Variants in PRKN observed in about 807,000 individuals in gnomAD.
The protein encoded by PRKN is parkin RBR E3 ubiquitin protein ligase.
In PRKN, 56 loss-of-function variants were observed where a neutral mutation model predicts 59.5. That is an observed-to-expected ratio of 0.94 (90% CI 0.76 to 1.18). PRKN has a LOEUF of 1.18. PRKN is among the 50% of genes most tolerant of loss of function. The pLI, the probability that PRKN is intolerant of heterozygous loss-of-function variation, is 0.00. For missense variants in PRKN, 657 were observed against 596.4 expected, an observed-to-expected ratio of 1.10 and a Z score of -1.06; for synonymous variants, 250 against 222.1, an observed-to-expected ratio of 1.13 and a Z score of -1.12.
At chr6:161,814,814 T>A (rs533484168) in intron 6 of PRKN, among the ~76,000 whole-genome samples, 1 of 152,266 alleles carries the variant, frequency 6.6e-6, no homozygotes, top group African/African-American at 2.4e-5. Context: ...GAACTGCCTT[T>A]CATAGAACTA....
chr6:162,275,972 C>T (rs1780619889), intron 2 of PRKN, among the ~76,000 whole-genome samples: 1 of 152,096 alleles, frequency 6.6e-6, no homozygotes, highest in Non-Finnish European at 1.5e-5. Context: ...CTCCAGTCTG[C>T]TTTGAACACT....
chr6:161,878,013 G>A (rs1010095606), intron 6 of PRKN, among the ~76,000 whole-genome samples: 11 of 152,116 alleles, frequency 7.2e-5, no homozygotes, highest in Admixed American at 4.6e-4. Context: ...ACTTGGAGGT[G>A]TTCTCTTGAA....
At chr6:162,429,176 C>A (rs1011320175) in intron 2 of PRKN, among the ~76,000 whole-genome samples, 1 of 152,154 alleles carries the variant, frequency 6.6e-6, no homozygotes, top group Non-Finnish European at 1.5e-5. Context: ...GAAGTCTAAA[C>A]AAAAGCCATC....
intron 5 of PRKN, among the ~76,000 whole-genome samples, chr6:162,016,292 C>T (rs1384803704): frequency 6.6e-6 from 1 of 152,064 alleles, no homozygotes; most frequent in African/African-American, 2.4e-5. Flanking sequence ...AAAATACAGG[C>T]CGATTAGAAA....
chr6:161,638,817 C>CT (rs1477006682), intron 7 of PRKN, among the ~76,000 whole-genome samples: 1 of 144,536 alleles, frequency 6.9e-6, no homozygotes, highest in Non-Finnish European at 1.5e-5. Context: ...TCTCGGCTTA[C>CT]TGCAACCTCC....
chr6:162,208,007 T>C (rs1249906903), intron 3 of PRKN, among the ~76,000 whole-genome samples: 1 of 152,156 alleles, frequency 6.6e-6, no homozygotes, highest in Non-Finnish European at 1.5e-5. Flanking sequence ...GATATCATAT[T>C]TGAAATCAGT....
chr6:162,257,685 A>T (rs1311749305), intron 3 of PRKN, among the ~76,000 whole-genome samples: 1 of 152,092 alleles, frequency 6.6e-6, no homozygotes, highest in Non-Finnish European at 1.5e-5. Flanking sequence ...CAGGGTTTCT[A>T]TAGTGCCAGG....
chr6:162,599,499 T>TAAC (rs71927433), intron 1 of PRKN, among the ~76,000 whole-genome samples: 6 of 151,468 alleles, frequency 4.0e-5, no homozygotes, highest in East Asian at 2.0e-4. Flanking sequence ...ACAGAAAAAA[T>TAAC]AACAACAACA....
intron 2 of PRKN, among the ~76,000 whole-genome samples, chr6:162,434,123 AC>A (rs2128164227): frequency 6.6e-6 from 1 of 152,306 alleles, no homozygotes; most frequent in South Asian, 2.1e-4. Context: ...AAGTACACCC[AC>A]AAAAATTATA....
intron 4 of PRKN, among the ~76,000 whole-genome samples, chr6:162,182,732 T>A (rs1035585644): frequency 6.6e-6 from 1 of 152,246 alleles, no homozygotes; most frequent in Non-Finnish European, 1.5e-5. Flanking sequence ...AATTTGCAGA[T>A]ATTGCCCTTT....
Position 161,582,670 on chromosome 6 carries a change from G to T in PRKN, c.872-13254C>A. ...TCTCGATCTGCTGACCTCGTGATCT[G>T]CCCGCCTCGGCCTCCCAAAGTTCTG... On this transcript the variant is annotated intron_variant, in intron 7 of 11. Transcript: ENST00000366898. This position sits in a 1 kb window ranked among gnomAD's most constrained non-coding sequence, Gnocchi z 4.4. Among the ~76,000 whole-genome samples the T allele has an allele frequency of 6.6e-6, 1 of 151,988 alleles. No individual in the cohort carries two copies. Among genetic ancestry groups the T allele is most frequent in the East Asian group, 1.9e-4 (1 of 5,174 alleles).
chr6:162,651,711 G>GT (rs1554258350), intron 1 of PRKN, among the ~76,000 whole-genome samples: 1 of 152,162 alleles, frequency 6.6e-6, no homozygotes, highest in Non-Finnish European at 1.5e-5. Flanking sequence ...CTCAGGTTAC[G>GT]TAAGTGGATT....
At chr6:162,137,023 T>C (rs898417018) in intron 4 of PRKN, among the ~76,000 whole-genome samples, 5 of 152,034 alleles carry the variant, frequency 3.3e-5, no homozygotes, top group Admixed American at 2.0e-4. Context: ...TGTGAAAATG[T>C]ATAGAAAAAG....
Position 162,686,027 on chromosome 6 carries a change from T to C in PRKN, c.7+41635A>G, listed in dbSNP as rs145357034. 1.5e-3 allele frequency among the ~76,000 whole-genome samples: 225 copies of C among 152,236 alleles called. 5 individuals carry two copies. The East Asian group carries it at 0.038, about 25-fold the overall frequency. Reference sequence around the variant, plus strand: ...GAGAGCGCACAAATTATTAAACAGATAGGACTCCTTTCAAGCCTTTTAAGC... The same window carrying C: ...GAGAGCGCACAAATTATTAAACAGACAGGACTCCTTTCAAGCCTTTTAAGC... On this transcript the variant is annotated intron_variant, in intron 1 of 11. Coordinates refer to ENST00000366898, the MANE Select transcript of PRKN (RefSeq NM_004562.3).
intron 2 of PRKN, among the ~76,000 whole-genome samples, chr6:162,363,948 A>G (rs926254603): frequency 2.0e-5 from 3 of 152,208 alleles, no homozygotes; most frequent in African/African-American, 7.2e-5. Context: ...CCAGCTCAGT[A>G]TTCACCGGCT....
At chr6:162,629,471 C>A (rs937049438) in intron 1 of PRKN, among the ~76,000 whole-genome samples, 1 of 151,990 alleles carries the variant, frequency 6.6e-6, no homozygotes, top group East Asian at 1.9e-4. Context: ...AAAACAAGTT[C>A]GTATTTTTAA....
intron 1 of PRKN, among the ~76,000 whole-genome samples, chr6:162,588,970 G>C (rs1325396380): frequency 6.6e-6 from 1 of 152,090 alleles, no homozygotes; most frequent in African/African-American, 2.4e-5. Context: ...TATGAGTGTG[G>C]ACCGGATGAA....
intron 3 of PRKN, among the ~76,000 whole-genome samples, chr6:162,244,854 T>C (rs1200467488): frequency 6.6e-6 from 1 of 152,068 alleles, no homozygotes; most frequent in Non-Finnish European, 1.5e-5. Flanking sequence ...CTCAATATCT[T>C]TTAGCTATGA....
intron 2 of PRKN, among the ~76,000 whole-genome samples, chr6:162,277,549 A>G (rs1780686728): frequency 6.6e-6 from 1 of 151,938 alleles, no homozygotes; most frequent in Admixed American, 6.6e-5. Flanking sequence ...TTTGGTCAGA[A>G]TAATTTAAAA....
Sources: allele counts gnomAD v4.1 joint callset (sites outside exome capture counted in the v4.1 genomes callset), GRCh38; gene constraint gnomAD v4.1.1; non-coding constraint Gnocchi (gnomAD v3.1); transcripts MANE v1.5; gene names NCBI Gene and HGNC (gene_info 2026-07-23, HGNC 2026-07-21).